Variants in AFF3 observed in about 807,000 individuals in gnomAD.
The protein encoded by AFF3 is ALF transcription elongation factor 3.
A neutral mutation model predicts 129.7 loss-of-function variants in AFF3; 32 were observed. The observed-to-expected ratio is 0.25, with a 90% CI of 0.19 to 0.33. The LOEUF (loss-of-function observed/expected upper bound fraction) is 0.33, where lower values mean the gene tolerates loss of function less well. AFF3 is among the 10% of genes least tolerant of loss of function. The pLI, the probability that AFF3 is intolerant of heterozygous loss-of-function variation, is 1.00. For missense variants in AFF3, 1,373 were observed against 1,592.0 expected (o/e 0.86, Z 2.34); for synonymous variants, 644 against 635.4 (o/e 1.01, Z -0.20).
chr2:99,726,916 G>A (rs1558790458), intron 11 of AFF3, among the ~76,000 whole-genome samples, 161 bp downstream of exon 11: 2 of 152,210 alleles, frequency 1.3e-5, no homozygotes, highest in Non-Finnish European at 2.9e-5. Context: ...CATAAAAAAT[G>A]CATCTGCACC....
At chr2:99,651,003 G>A (rs543212207) in intron 12 of AFF3, among the ~76,000 whole-genome samples, 48 of 151,902 alleles carry the variant, frequency 3.2e-4, no homozygotes, top group Non-Finnish European at 5.2e-4. Flanking sequence ...GAGAAACCCC[G>A]TCTCTACTAA....
chr2:99,834,836 T>C (rs1037803741), intron 8 of AFF3, among the ~76,000 whole-genome samples: 3 of 152,186 alleles, frequency 2.0e-5, no homozygotes, highest in African/African-American at 7.2e-5. Flanking sequence ...AGATTCTCAA[T>C]GTTCCTCGGT....
intron 4 of AFF3, among the ~76,000 whole-genome samples, chr2:100,040,063 A>C (rs1685295198): frequency 6.6e-6 from 1 of 152,156 alleles, no homozygotes; most frequent in African/African-American, 2.4e-5. Context: ...AAGGACTGCA[A>C]AACCCAGTAA....
chr2:100,035,445 C>A lies in AFF3; in HGVS notation c.54-26513G>T, dbSNP rs1002910626. ...CAATGATGAACAAAAATGATTGCTG[C>A]AGACTATGATGACTAAGGAAGACCA... On this transcript the variant is annotated intron_variant, in intron 4 of 24. Transcript: ENST00000672756. Among the ~76,000 whole-genome samples, 3 of 152,160 alleles carry A rather than the reference C, an allele frequency of 2.0e-5. No homozygotes were observed. In the South Asian group the frequency reaches 6.2e-4, roughly 32 times the overall value.
rs140526847 is a variant in AFF3 at position 100,007,262 on chromosome 2, T to C, written c.373A>G (p.Ile125Val). The C allele has an allele frequency of 1.4e-5, 22 of 1,613,986 alleles. No homozygotes were observed. The highest frequency in any genetic ancestry group is 1.2e-4 in the African/African-American group (9 of 74,896). The change falls in exon 6 of 25, where the codon ATC becomes GTC. Residue 125 changes from isoleucine to valine, a missense_variant. By Grantham distance (29) the Ile-to-Val change is conservative. Transcript: ENST00000672756. ...GGTGTGGAAGTTGTAGTGCTACAGA[T>C]AGACGAGGGCTGGTTCTGGGCTCTT... is the stretch of plus-strand genomic sequence containing the variant. ...DSRAQNQPSS[I>V]CSTTTSTPAA...
At chr2:99,866,792 C>T (rs1372400630) in intron 7 of AFF3, among the ~76,000 whole-genome samples, 1 of 151,840 alleles carries the variant, frequency 6.6e-6, no homozygotes, top group Non-Finnish European at 1.5e-5. Flanking sequence ...GCCTGGCCAA[C>T]ATGGTGAAAC....
intron 7 of AFF3, among the ~76,000 whole-genome samples, chr2:99,864,258 T>C (rs13035648): frequency 6.6e-6 from 1 of 152,164 alleles, no homozygotes; most frequent in Non-Finnish European, 1.5e-5. Context: ...TTACCAAAGG[T>C]GTCTGATCCC....
intron 4 of AFF3, among the ~76,000 whole-genome samples, chr2:100,091,215 A>G (rs1254034205): frequency 6.6e-6 from 1 of 151,910 alleles, no homozygotes; most frequent in Non-Finnish European, 1.5e-5. Flanking sequence ...AATCCACCCT[A>G]CAGGTAATGA....
At chr2:100,058,433 GA>G (rs890232969) in intron 4 of AFF3, among the ~76,000 whole-genome samples, 14 of 151,396 alleles carry the variant, frequency 9.2e-5, no homozygotes, top group East Asian at 5.8e-4. Context: ...ATACATTTTA[GA>G]AAAAAAAATA....
intron 4 of AFF3, among the ~76,000 whole-genome samples, chr2:100,025,836 G>A (rs903605915): frequency 6.6e-6 from 1 of 152,198 alleles, no homozygotes; most frequent in African/African-American, 2.4e-5. Context: ...TGGGATAACT[G>A]GCTAGCCAGA....
chr2:99,551,184 A>G lies in AFF3; in HGVS notation c.*290T>C. 5.9e-6 allele frequency: 3 copies of G among 511,740 alleles called. No individual in the cohort carries two copies. Among genetic ancestry groups the G allele is most frequent in the Non-Finnish European group, 1.0e-5 (3 of 288,136 alleles). The allele number at this position is 511,740 out of a possible 1,614,324, so 31.7% of individuals were successfully genotyped here. On this transcript the variant is annotated 3_prime_UTR_variant, in exon 25 of 25. Transcript: ENST00000672756. ...TGTGTGTGTGTGTGTGTGTGTGTGTACTTCCTCTAGTCAGAAACCTCTGAT... is the reference window on the plus strand; with the variant it reads ...TGTGTGTGTGTGTGTGTGTGTGTGTGCTTCCTCTAGTCAGAAACCTCTGAT...
chr2:100,060,440 C>T (rs1292831867), intron 4 of AFF3, among the ~76,000 whole-genome samples: 1 of 152,166 alleles, frequency 6.6e-6, no homozygotes, highest in Non-Finnish European at 1.5e-5. Context: ...CTGTGCTAAG[C>T]GCCGCCTGCT....
intron 13 of AFF3, among the ~76,000 whole-genome samples, chr2:99,603,622 T>C (rs1333888994): frequency 6.6e-6 from 1 of 152,036 alleles, no homozygotes; most frequent in Admixed American, 6.6e-5. Context: ...AAAGCAAAAA[T>C]TGACAAGTGA....
intron 13 of AFF3, among the ~76,000 whole-genome samples, chr2:99,603,477 G>A (rs1185134756): frequency 2.0e-5 from 3 of 152,006 alleles, no homozygotes; most frequent in Non-Finnish European, 4.4e-5. Context: ...TACAAAAATC[G>A]ACTCAAGATA....
chr2:99,755,607 AC>A (rs1217595170), intron 8 of AFF3, among the ~76,000 whole-genome samples: 3 of 152,040 alleles, frequency 2.0e-5, no homozygotes, highest in African/African-American at 7.2e-5. Context: ...TCTTATGGGC[AC>A]CCCCAAGCAT....
chr2:99,569,612 G>A (rs1005490894), intron 18 of AFF3, among the ~76,000 whole-genome samples: 1 of 152,124 alleles, frequency 6.6e-6, no homozygotes, highest in Admixed American at 6.5e-5. Flanking sequence ...ACTCTGCCGG[G>A]AGATGAAGGT....
chr2:99,878,800 G>C (rs1273882697), intron 7 of AFF3, among the ~76,000 whole-genome samples: 2 of 152,190 alleles, frequency 1.3e-5, no homozygotes, highest in Non-Finnish European at 1.5e-5. Flanking sequence ...ACAAAACCTG[G>C]TTTAGACTTT....
chr2:99,804,661 T>C (rs939712845), intron 8 of AFF3, among the ~76,000 whole-genome samples: 3 of 152,160 alleles, frequency 2.0e-5, no homozygotes, highest in Non-Finnish European at 2.9e-5. Context: ...CAATTCACAA[T>C]TGCAAATATA....
At chr2:99,953,115 A>C (rs565378857) in intron 7 of AFF3, among the ~76,000 whole-genome samples, 1 of 152,316 alleles carries the variant, frequency 6.6e-6, no homozygotes, top group East Asian at 1.9e-4. Context: ...GGGAATACAG[A>C]GATCGTATAC....
Sources: gnomAD v4.1 joint callset for allele counts (sites outside exome capture counted in the v4.1 genomes callset) on GRCh38, gnomAD v4.1.1 for gene constraint, MANE v1.5 for transcripts, NCBI Gene and HGNC (gene_info 2026-07-23, HGNC 2026-07-21) for gene names.